Variants in PRKG1 observed in about 807,000 individuals in gnomAD.
PRKG1 encodes the protein protein kinase cGMP-dependent 1.
Under a neutral mutation model 88.1 loss-of-function variants are expected in PRKG1, and 35 were observed. The ratio of observed to expected loss-of-function variants is 0.40; its 90% CI spans 0.30 to 0.53. The LOEUF is 0.53. Among genes scored for constraint, PRKG1 ranks in the 20% least tolerant of loss-of-function variants. The pLI, the probability that PRKG1 is intolerant of heterozygous loss-of-function variation, is 0.59. For missense variants in PRKG1, 540 were observed against 839.8 expected (o/e 0.64, Z 4.41); for synonymous variants, 303 against 292.5 (o/e 1.04, Z -0.37).
At chr10:51,855,509 G>A (rs903671833) in intron 4 of PRKG1, among the ~76,000 whole-genome samples, 1 of 152,184 alleles carries the variant, frequency 6.6e-6, no homozygotes, top group African/African-American at 2.4e-5. Flanking sequence ...TGTGAGGAAT[G>A]CAATTACTTC....
At chr10:51,744,222 A>C (rs1837520124) in intron 3 of PRKG1, among the ~76,000 whole-genome samples, 1 of 152,140 alleles carries the variant, frequency 6.6e-6, no homozygotes, top group Non-Finnish European at 1.5e-5. Flanking sequence ...TGGGTACAGT[A>C]CTGCTGTTAT....
intron 7 of PRKG1, among the ~76,000 whole-genome samples, chr10:52,064,098 C>A (rs1846300967): frequency 6.6e-6 from 1 of 152,184 alleles, no homozygotes; most frequent in Non-Finnish European, 1.5e-5. Context: ...GGGGATCCAC[C>A]ACGTTTCTGC....
At chr10:51,712,975 GTT>G (rs10593003) in intron 3 of PRKG1, among the ~76,000 whole-genome samples, 1 of 149,478 alleles carries the variant, frequency 6.7e-6, no homozygotes, top group African/African-American at 2.5e-5. Flanking sequence ...CTCTATGAGG[GTT>G]TTTTTTTTTG....
intron 2 of PRKG1, among the ~76,000 whole-genome samples, chr10:51,198,999 G>T (rs1837844613): frequency 6.6e-6 from 1 of 152,152 alleles, no homozygotes; most frequent in South Asian, 2.1e-4. Flanking sequence ...CTTCATCTTT[G>T]ATAAGAAGTG....
chr10:52,248,468 C>T (rs1476338207), intron 9 of PRKG1, among the ~76,000 whole-genome samples: 1 of 152,122 alleles, frequency 6.6e-6, no homozygotes, highest in Non-Finnish European at 1.5e-5. Flanking sequence ...GACGACTATT[C>T]AAAGACCGCT....
chr10:52,183,932 T>C (rs1219038338), intron 9 of PRKG1, among the ~76,000 whole-genome samples: 6 of 152,178 alleles, frequency 3.9e-5, no homozygotes, highest in African/African-American at 1.4e-4. Flanking sequence ...ATTTACCTTT[T>C]CCCTACAGGG....
At chr10:51,786,286 G>A (rs182421133) in intron 3 of PRKG1, among the ~76,000 whole-genome samples, 241 of 152,184 alleles carry the variant, frequency 1.6e-3, no homozygotes, top group Non-Finnish European at 2.8e-3. Context: ...GTGGTGAGAC[G>A]CCTTGGATAT....
At chr10:51,212,852 C>T (rs541375793) in intron 2 of PRKG1, among the ~76,000 whole-genome samples, 2 of 152,212 alleles carry the variant, frequency 1.3e-5, no homozygotes, top group South Asian at 4.2e-4. Context: ...AATAGGAACA[C>T]TTTTACTGTT....
At chr10:51,828,405 C>T (rs1254495311) in intron 4 of PRKG1, among the ~76,000 whole-genome samples, 1 of 152,012 alleles carries the variant, frequency 6.6e-6, no homozygotes, top group East Asian at 1.9e-4. Flanking sequence ...TGTCATTCTT[C>T]CTGTGTTACT....
intron 9 of PRKG1, among the ~76,000 whole-genome samples, chr10:52,220,343 T>A (rs944074634): frequency 4.6e-5 from 7 of 152,064 alleles, no homozygotes; most frequent in African/African-American, 1.4e-4. Context: ...TTGCCAACTA[T>A]GTGAGTGGGA....
chr10:50,991,267 A>G lies in PRKG1; in HGVS notation c.-112A>G. The stretch of plus-strand genomic sequence containing the variant: ...CGCCGCGCTCGAGTACTTAGCGCCC[A>G]TTCACTCGCTCACCCGCGCTCTCCG... On this transcript the variant is annotated 5_prime_UTR_variant, in exon 1 of 18. Transcript: ENST00000401604. This position sits in a 1 kb window ranked among gnomAD's most constrained non-coding sequence, Gnocchi z 4.5. 1 of 1,416,278 alleles carries G rather than the reference A, an allele frequency of 7.1e-7. No homozygotes were observed. Among genetic ancestry groups the G allele is most frequent in the Non-Finnish European group, 9.3e-7 (1 of 1,076,928 alleles). 87.7% of individuals were successfully genotyped at this position (1,416,278 alleles called of 1,614,324 possible).
intron 1 of PRKG1, among the ~76,000 whole-genome samples, chr10:51,148,470 C>G (rs560994584): frequency 6.6e-6 from 1 of 152,044 alleles, no homozygotes; most frequent in Non-Finnish European, 1.5e-5. Context: ...GCCTGGAAGT[C>G]TTTTTTAATC....
rs948357993 is a variant in PRKG1, at chr10:52,182,753, G to A, written c.1076+20790G>A. ...AAAGATCAGATAGTTGTAGATATGC[G>A]GCATTATTTCTGAGGGCTCTGTTCT... On this transcript the variant is annotated intron_variant, in intron 9 of 17. Coordinates refer to ENST00000373980, the MANE Select transcript of PRKG1 (RefSeq NM_006258.4). Among the ~76,000 whole-genome samples, 11 of 149,112 alleles carry A rather than the reference G, an allele frequency of 7.4e-5. No homozygotes were observed. In the South Asian group the frequency reaches 1.1e-3, roughly 15 times the overall value.
chr10:51,363,583 T>C (rs1564462632), intron 2 of PRKG1, among the ~76,000 whole-genome samples: 1 of 151,972 alleles, frequency 6.6e-6, no homozygotes, highest in Non-Finnish European at 1.5e-5. Context: ...TCAGTTTATG[T>C]ATTATCTTGT....
chr10:51,327,750 A>T (rs1841629065), intron 2 of PRKG1, among the ~76,000 whole-genome samples: 2 of 152,232 alleles, frequency 1.3e-5, no homozygotes, highest in African/African-American at 4.8e-5. Context: ...TAAGTATCTG[A>T]GTATATAAAT....
At chr10:52,291,319 T>C (rs1393739347) in intron 17 of PRKG1, among the ~76,000 whole-genome samples, 6 of 151,646 alleles carry the variant, frequency 4.0e-5, no homozygotes. Flanking sequence ...GTTAGTTACA[T>C]ATGTATACAT....
rs144212619 is a variant in PRKG1 at position 52,143,329 on chromosome 10, C to T, written c.1001+9424C>T. ...GGGGTCAGATAGTTGTTTTGTGTTG[C>T]GGGGGCGGGGCTGTCATGTACAAAG... On this transcript the variant is annotated intron_variant, in intron 8 of 17. Transcript: ENST00000373980. Among the ~76,000 whole-genome samples the T allele has an allele frequency of 3.1e-3, 465 of 152,128 alleles. 6 individuals are homozygous for T. The highest frequency in any genetic ancestry group is 0.01 in the African/African-American group (428 of 41,492).
intron 3 of PRKG1, among the ~76,000 whole-genome samples, chr10:51,548,859 T>G (rs893599912): frequency 6.6e-6 from 1 of 152,084 alleles, no homozygotes; most frequent in Non-Finnish European, 1.5e-5. Context: ...TAGTTAGATC[T>G]TGTATGAATC....
At chr10:51,373,748 A>G (rs1842751443) in intron 2 of PRKG1, among the ~76,000 whole-genome samples, 1 of 152,170 alleles carries the variant, frequency 6.6e-6, no homozygotes, top group African/African-American at 2.4e-5. Flanking sequence ...CTTTGCAGGA[A>G]CATGGATGAA....
Sources: gnomAD v4.1 joint callset for allele counts (sites outside exome capture counted in the v4.1 genomes callset) on GRCh38, gnomAD v4.1.1 for gene constraint, Gnocchi (gnomAD v3.1) non-coding constraint, MANE v1.5 for transcripts, NCBI Gene and HGNC (gene_info 2026-07-23, HGNC 2026-07-21) for gene names.